The following TTC28 variants were observed in gnomAD, a reference collection of about 807,000 sequenced individuals.
The protein encoded by TTC28 is tetratricopeptide repeat domain 28, also known as tetratricopeptide repeat protein 28.
Under a neutral mutation model 198.0 loss-of-function variants are expected in TTC28, and 61 were observed. That is an observed-to-expected ratio of 0.31 (90% CI 0.25 to 0.38). TTC28 has a LOEUF of 0.38. Among genes scored for constraint, TTC28 ranks in the 10% least tolerant of loss-of-function variants. The pLI, the probability that TTC28 is intolerant of heterozygous loss-of-function variation, is 1.00. For synonymous variants in TTC28, 1,171 were observed against 1,297.8 expected (o/e 0.90, Z 2.10); for missense variants, 2,678 against 3,164.0 (o/e 0.85, Z 3.69).
intron 2 of TTC28, among the ~76,000 whole-genome samples, chr22:28,345,282 C>T (rs749767892): frequency 1.3e-5 from 2 of 152,144 alleles, no homozygotes; most frequent in Admixed American, 6.5e-5. Context: ...GTTAATAGAA[C>T]ATCCAAAGCT....
rs944401873 is a variant in TTC28 at position 28,550,113 on chromosome 22, AC to A, written c.381+79438del. On this transcript the variant is annotated intron_variant, in intron 2 of 22. Transcript: ENST00000397906. ...ATGAGATGCAACAGTCTAACAGATA[AC>A]ATTTGCCATTTTCAAAGAGGTACTC... Among the ~76,000 whole-genome samples, 55 of 152,146 alleles carry A rather than the reference AC, an allele frequency of 3.6e-4. 1 individual carries two copies. Among genetic ancestry groups the A allele is most frequent in the Admixed American group, 2.6e-3 (39 of 15,270 alleles).
At chr22:28,504,849 A>G (rs1360711892) in intron 2 of TTC28, among the ~76,000 whole-genome samples, 2 of 152,214 alleles carry the variant, frequency 1.3e-5, no homozygotes, top group African/African-American at 2.4e-5. Flanking sequence ...AAGACTGTCT[A>G]TGAGCTATAA....
chr22:27,983,360 T>C lies in TTC28; in HGVS notation c.6307A>G (p.Ile2103Val). Reference sequence around the variant, plus strand: ...TTCACTGGAGAATTTGGAGTGCTGATGCTCCCTTTGGAGCTCACCGAGACT... The same window carrying C: ...TTCACTGGAGAATTTGGAGTGCTGACGCTCCCTTTGGAGCTCACCGAGACT... ...MRVSVSSKGS[I>V]STPNSPVKMT... Residue 2103 changes from isoleucine (I) to valine (V), a missense_variant, in exon 23 of 23, where the codon ATC becomes GTC. Coordinates refer to ENST00000397906, the MANE Select transcript of TTC28 (RefSeq NM_001145418.2). The C allele has an allele frequency of 6.4e-7, 1 of 1,551,644 alleles. No homozygotes were observed. Among genetic ancestry groups the C allele is most frequent in the Non-Finnish European group, 8.7e-7 (1 of 1,147,096 alleles).
chr22:28,316,294 G>A (rs918399096), intron 2 of TTC28, among the ~76,000 whole-genome samples: 10 of 152,110 alleles, frequency 6.6e-5, no homozygotes, highest in Non-Finnish European at 1.5e-4. Flanking sequence ...CTAACTGCCT[G>A]TCTGACCCGT....
chr22:28,475,149 C>CAAAAAAAAAAAAAAAAAAA (rs386395148), intron 2 of TTC28, among the ~76,000 whole-genome samples: 3 of 64,992 alleles, frequency 4.6e-5, no homozygotes, highest in Non-Finnish European at 8.3e-5. Context: ...GACTCCATCT[C>CAAAAAAAAAAAAAAAAAAA]AAAAAAAAAA....
chr22:28,168,858 A>C (rs1423290945), intron 5 of TTC28, among the ~76,000 whole-genome samples: 3 of 152,226 alleles, frequency 2.0e-5, no homozygotes, highest in African/African-American at 7.2e-5. Flanking sequence ...TGCACAGCAA[A>C]AGAAACTACC....
At chr22:28,060,166 T>C (rs1242327731) in intron 12 of TTC28, among the ~76,000 whole-genome samples, 4 of 152,188 alleles carry the variant, frequency 2.6e-5, no homozygotes, top group Admixed American at 2.6e-4. Flanking sequence ...GTTACACATG[T>C]ATACATGTGC....
intron 2 of TTC28, among the ~76,000 whole-genome samples, chr22:28,455,301 T>G (rs931662922): frequency 6.6e-6 from 1 of 152,230 alleles, no homozygotes; most frequent in African/African-American, 2.4e-5. Context: ...AAGATTTAAA[T>G]AAAATGTACA....
chr22:28,270,958 C>T (rs1465708182), intron 5 of TTC28, among the ~76,000 whole-genome samples: 1 of 152,168 alleles, frequency 6.6e-6, no homozygotes, highest in Non-Finnish European at 1.5e-5. Context: ...AGAGTCAGCT[C>T]CATTCATTCA....
intron 2 of TTC28, among the ~76,000 whole-genome samples, chr22:28,617,695 A>T (rs562075583): frequency 6.6e-6 from 1 of 152,314 alleles, no homozygotes; most frequent in East Asian, 1.9e-4. Flanking sequence ...AACAGACTTT[A>T]ATAGAGCTAT....
At chr22:28,288,866 A>C (rs2044736856) in intron 5 of TTC28, among the ~76,000 whole-genome samples, 1 of 151,992 alleles carries the variant, frequency 6.6e-6, no homozygotes, top group African/African-American at 2.4e-5. Context: ...TAAATGGCAG[A>C]GCCAAAATTC....
intron 12 of TTC28, among the ~76,000 whole-genome samples, chr22:28,041,166 T>G (rs970698940): frequency 6.6e-6 from 1 of 152,146 alleles, no homozygotes; most frequent in African/African-American, 2.4e-5. Flanking sequence ...CCCAAGGTAG[T>G]TTATAGATTC....
At chr22:28,435,774 T>C (rs1385228441) in intron 2 of TTC28, among the ~76,000 whole-genome samples, 1 of 152,234 alleles carries the variant, frequency 6.6e-6, no homozygotes, top group African/African-American at 2.4e-5. Context: ...TCTTCTCAAA[T>C]GTTCCTGGAA....
intron 2 of TTC28, among the ~76,000 whole-genome samples, chr22:28,553,526 G>A (rs1407362443): frequency 1.3e-5 from 2 of 151,336 alleles, no homozygotes; most frequent in Non-Finnish European, 2.9e-5. Flanking sequence ...CCCCGTCTGA[G>A]AAGTGAGGAG....
intron 2 of TTC28, among the ~76,000 whole-genome samples, chr22:28,619,500 T>C (rs1171192991): frequency 6.6e-6 from 1 of 152,124 alleles, no homozygotes; most frequent in Non-Finnish European, 1.5e-5. Flanking sequence ...AACAACACAA[T>C]TCAAATTTCA....
intron 5 of TTC28, among the ~76,000 whole-genome samples, chr22:28,287,856 A>G (rs535681844): frequency 7.4e-4 from 112 of 152,314 alleles, no homozygotes; most frequent in African/African-American, 2.7e-3. Context: ...AAGAAACTAG[A>G]ATCAGGGCAG....
chr22:28,662,072 A>G (rs1236340914), intron 1 of TTC28, among the ~76,000 whole-genome samples: 1 of 152,230 alleles, frequency 6.6e-6, no homozygotes, highest in Non-Finnish European at 1.5e-5. Context: ...TAAAGAAATT[A>G]CACTGCTCAC....
At chr22:28,280,337 T>C (rs2044560547) in intron 5 of TTC28, among the ~76,000 whole-genome samples, 1 of 152,064 alleles carries the variant, frequency 6.6e-6, no homozygotes, top group Admixed American at 6.5e-5. Context: ...AAAAAAATTT[T>C]TTTTTTGAGA....
In TTC28 at chr22:28,628,541, C is replaced by G. The variant is rs538220238; in HGVS notation, c.381+1011G>C. Among the ~76,000 whole-genome samples, 8 of 152,296 alleles carry G rather than the reference C, an allele frequency of 5.3e-5. No homozygotes were observed. In the South Asian group the frequency reaches 6.2e-4, roughly 12 times the overall value. On this transcript the variant is annotated intron_variant, in intron 2 of 22. Coordinates refer to ENST00000397906, the MANE Select transcript of TTC28 (RefSeq NM_001145418.2). ...AGTCCTCATGTGGTGCATTAGATCTCTAGAATTATTCATCCTATATATCTG... is the reference window on the plus strand; with the variant it reads ...AGTCCTCATGTGGTGCATTAGATCTGTAGAATTATTCATCCTATATATCTG...
Sources: gnomAD v4.1 joint callset for allele counts (sites outside exome capture counted in the v4.1 genomes callset) on GRCh38, gnomAD v4.1.1 for gene constraint, MANE v1.5 for transcripts, NCBI Gene and HGNC (gene_info 2026-07-23, HGNC 2026-07-21) for gene names.